The following STK32B variants were observed in gnomAD, a reference collection of about 807,000 sequenced individuals.
The protein encoded by STK32B is serine/threonine kinase 32B.
In STK32B, 43 loss-of-function variants were observed where a neutral mutation model predicts 52.6. The ratio of observed to expected loss-of-function variants is 0.82; its 90% CI spans 0.64 to 1.05. STK32B has a LOEUF of 1.05. Ranked by LOEUF, STK32B falls within the 50% of genes least tolerant of loss-of-function variation. STK32B has a pLI of 0.00. For synonymous variants in STK32B, 238 were observed against 204.3 expected (o/e 1.17, Z -1.41); for missense variants, 621 against 534.6 (o/e 1.16, Z -1.59).
intron 2 of STK32B, among the ~76,000 whole-genome samples, chr4:5,159,524 G>GAAT (rs1718163633): frequency 8.1e-6 from 1 of 124,042 alleles, no homozygotes; most frequent in East Asian, 2.4e-4. Flanking sequence ...ATGAATATAT[G>GAAT]ATATATATGT....
At chr4:5,363,498 C>G (rs1302336137) in intron 4 of STK32B, among the ~76,000 whole-genome samples, 1 of 152,154 alleles carries the variant, frequency 6.6e-6, no homozygotes, top group Non-Finnish European at 1.5e-5. Flanking sequence ...TAAAGGCAGA[C>G]TCCAGACTTG....
chr4:5,486,786 T>A (rs1309765112), intron 11 of STK32B, among the ~76,000 whole-genome samples: 1 of 152,210 alleles, frequency 6.6e-6, no homozygotes, highest in Non-Finnish European at 1.5e-5. Flanking sequence ...AGAATTGCAA[T>A]TCAGGGCATA....
At chr4:5,230,347 G>T (rs1400688962) in intron 3 of STK32B, among the ~76,000 whole-genome samples, 1 of 151,652 alleles carries the variant, frequency 6.6e-6, no homozygotes, top group Non-Finnish European at 1.5e-5. Context: ...CTGCCACCAC[G>T]CTTGGTTAGT....
intron 3 of STK32B, among the ~76,000 whole-genome samples, chr4:5,196,723 A>AAAAATAAAATAAAAT (rs57722522): frequency 0.013 from 1,824 of 145,490 alleles, 34 homozygotes; most frequent in East Asian, 0.047. Flanking sequence ...TCTGTCTCAA[A>AAAAATAAAATAAAAT]AAAATAAAAT....
rs76347942 is a variant in STK32B at position 5,212,701 on chromosome 4, G to A, written c.260+44251G>A. On this transcript the variant is annotated intron_variant, in intron 3 of 11. Transcript: ENST00000282908. ...TTAAAACATTATATAATTGGAAGTT[G>A]CTGTGTTGGTGAGGGTAGGATGACA... is the stretch of plus-strand genomic sequence containing the variant. Among the ~76,000 whole-genome samples, 1,068 of 152,278 alleles carry A rather than the reference G, an allele frequency of 7.0e-3. 12 individuals carry two copies. Among genetic ancestry groups the A allele is most frequent in the African/African-American group, 0.024 (980 of 41,546 alleles).
At chr4:5,277,298 C>A (rs1417119574) in intron 3 of STK32B, among the ~76,000 whole-genome samples, 2 of 152,184 alleles carry the variant, frequency 1.3e-5, no homozygotes. Context: ...CTCACTCTTT[C>A]TTTTCAGCAA....
chr4:5,425,617 A>G (rs1477162053), intron 6 of STK32B, among the ~76,000 whole-genome samples: 1 of 152,222 alleles, frequency 6.6e-6, no homozygotes, highest in African/African-American at 2.4e-5. Flanking sequence ...TTTAAAAATC[A>G]CCAAACTGAT....
chr4:5,363,032 T>G (rs1734650794), intron 4 of STK32B, among the ~76,000 whole-genome samples: 1 of 152,208 alleles, frequency 6.6e-6, no homozygotes, highest in Non-Finnish European at 1.5e-5. Flanking sequence ...TTGCCCTCTC[T>G]GCTGCCAAAG....
At chr4:5,068,988 C>T (rs1314176771) in intron 1 of STK32B, among the ~76,000 whole-genome samples, 1 of 152,130 alleles carries the variant, frequency 6.6e-6, no homozygotes, top group Non-Finnish European at 1.5e-5. Flanking sequence ...TAACAACGGT[C>T]ACCAATGATA....
At chr4:5,391,144 A>G (rs974588907) in intron 4 of STK32B, among the ~76,000 whole-genome samples, 2 of 151,806 alleles carry the variant, frequency 1.3e-5, no homozygotes, top group Non-Finnish European at 2.9e-5. Flanking sequence ...TATTTTTAGT[A>G]GAGATGGGGT....
At chr4:5,089,840 T>C (rs1712961325) in intron 1 of STK32B, among the ~76,000 whole-genome samples, 1 of 152,226 alleles carries the variant, frequency 6.6e-6, no homozygotes, top group Non-Finnish European at 1.5e-5. Flanking sequence ...AGCGTTCGTA[T>C]TTCTCCACAA....
At chr4:5,114,139 C>T (rs1038660087) in intron 1 of STK32B, among the ~76,000 whole-genome samples, 3 of 151,770 alleles carry the variant, frequency 2.0e-5, no homozygotes, top group Non-Finnish European at 4.4e-5. Flanking sequence ...TGTCTTCAAC[C>T]ACCCCCATTC....
intron 3 of STK32B, among the ~76,000 whole-genome samples, chr4:5,197,280 C>T (rs1335598711): frequency 6.6e-6 from 1 of 152,196 alleles, no homozygotes; most frequent in Non-Finnish European, 1.5e-5. Flanking sequence ...CTGTAGATCA[C>T]TCATGTCTGG....
chr4:5,317,441 TATAC>T, intron 3 of STK32B, among the ~76,000 whole-genome samples: 1 of 32,844 alleles, frequency 3.0e-5, no homozygotes, highest in African/African-American at 2.1e-4. Context: ...ATATTACATA[TATAC>T]ATAATATATA....
At chr4:5,406,906 A>G (rs1737720765) in intron 5 of STK32B, among the ~76,000 whole-genome samples, 1 of 152,124 alleles carries the variant, frequency 6.6e-6, no homozygotes. Flanking sequence ...TTACTCATAC[A>G]AATTTCTGCA....
At chr4:5,337,035 C>A (rs1351508601) in intron 4 of STK32B, among the ~76,000 whole-genome samples, 2 of 152,096 alleles carry the variant, frequency 1.3e-5, no homozygotes, top group African/African-American at 2.4e-5. Context: ...CTAGAGTGCA[C>A]TGGTACGATC....
intron 3 of STK32B, among the ~76,000 whole-genome samples, chr4:5,193,619 T>A (rs897499342): frequency 2.0e-5 from 3 of 152,202 alleles, no homozygotes; most frequent in African/African-American, 4.8e-5. Context: ...TCGGTGCCAA[T>A]GTCCTGGCCC....
At chr4:5,105,603 A>G (rs1285679330) in intron 1 of STK32B, among the ~76,000 whole-genome samples, 2 of 151,494 alleles carry the variant, frequency 1.3e-5, no homozygotes, top group South Asian at 2.1e-4. Context: ...TCGCACTCTC[A>G]CCCAGGCTGG....
intron 4 of STK32B, among the ~76,000 whole-genome samples, chr4:5,375,574 T>C (rs995974099): frequency 6.6e-6 from 1 of 152,230 alleles, no homozygotes; most frequent in African/African-American, 2.4e-5. Context: ...TTACTTCTTT[T>C]TCATCACATC....
Sources: gnomAD v4.1 joint callset for allele counts (sites outside exome capture counted in the v4.1 genomes callset) on GRCh38, gnomAD v4.1.1 for gene constraint, MANE v1.5 for transcripts, NCBI Gene and HGNC (gene_info 2026-07-23, HGNC 2026-07-21) for gene names.